Variants in SLC35D2 observed in about 807,000 individuals in gnomAD.
The protein encoded by SLC35D2 is solute carrier family 35 member D2, also known as nucleotide sugar transporter SLC35D2.
Under a neutral mutation model 41.8 loss-of-function variants are expected in SLC35D2, and 43 were observed. The observed-to-expected ratio is 1.03, with a 90% CI of 0.81 to 1.33. SLC35D2 has a LOEUF of 1.33. SLC35D2 is among the 40% of genes most tolerant of loss of function. The pLI, the probability that SLC35D2 is intolerant of heterozygous loss-of-function variation, is 0.00. For synonymous variants in SLC35D2, 150 were observed against 163.9 expected, an observed-to-expected ratio of 0.92 and a Z score of 0.65; for missense variants, 380 against 408.4, an observed-to-expected ratio of 0.93 and a Z score of 0.60.
At chr9:96,319,967 G>A (rs143939270), downstream of SLC35D2, among the ~76,000 whole-genome samples, 50 of 152,324 alleles carry the variant, frequency 3.3e-4, no homozygotes, top group African/African-American at 1.1e-3. Flanking sequence ...AAGGTCTCCC[G>A]AGTTTAATAG....
At chr9:96,345,465 G>C (rs938438617) in intron 6 of SLC35D2, 64 bp from the exon 7 acceptor site, 1 of 894,502 alleles carries the variant, frequency 1.1e-6, no homozygotes, top group African/African-American at 1.7e-5. Context: ...CTCCAAGCCC[G>C]CCTGATCTAC....
chr9:96,372,899 GT>G (rs977724459), intron 1 of SLC35D2, among the ~76,000 whole-genome samples: 1 of 143,488 alleles, frequency 7.0e-6, no homozygotes, highest in Non-Finnish European at 1.5e-5. Flanking sequence ...TTGTTCTTTT[GT>G]TTTTTTGTTT....
At chr9:96,358,467 C>T (rs552836835) in intron 4 of SLC35D2, among the ~76,000 whole-genome samples, 3 of 151,996 alleles carry the variant, frequency 2.0e-5, no homozygotes, top group African/African-American at 7.2e-5. Flanking sequence ...AGATAAGCCA[C>T]AAACTAGGAA....
At chr9:96,340,502 T>A (rs542276134) in intron 8 of SLC35D2, among the ~76,000 whole-genome samples, 2 of 151,176 alleles carry the variant, frequency 1.3e-5, no homozygotes, top group South Asian at 4.2e-4. Context: ...CGCCTGTAGT[T>A]CCAGCTACTC....
At chr9:96,368,234 A>G (rs34818438) in intron 2 of SLC35D2, 38 bp downstream of exon 2, 48,115 of 1,527,662 alleles carry the variant, frequency 0.031, 908 homozygotes, top group South Asian at 0.051. Flanking sequence ...GAATACTGAT[A>G]ACAAAATAAG....
At chr9:96,370,095 T>A (rs972624906) in intron 1 of SLC35D2, among the ~76,000 whole-genome samples, 1 of 152,112 alleles carries the variant, frequency 6.6e-6, no homozygotes, top group African/African-American at 2.4e-5. Flanking sequence ...TCCCTGAGCA[T>A]GGCCTGCATT....
chr9:96,339,174 G>A (rs991638949), intron 8 of SLC35D2, among the ~76,000 whole-genome samples: 1 of 151,792 alleles, frequency 6.6e-6, no homozygotes, highest in Admixed American at 6.6e-5. Context: ...GCGGTGGCAC[G>A]ATCTCAGCTC....
intron 9 of SLC35D2, among the ~76,000 whole-genome samples, chr9:96,330,840 G>A (rs1323160177): frequency 1.3e-5 from 2 of 152,142 alleles, no homozygotes; most frequent in South Asian, 2.1e-4. Context: ...TTGCTCACAA[G>A]GAAGTTCCTT....
chr9:96,337,550 A>G (rs1587848832), intron 8 of SLC35D2, among the ~76,000 whole-genome samples: 1 of 152,196 alleles, frequency 6.6e-6, no homozygotes, highest in African/African-American at 2.4e-5. Context: ...AATGTAGGCA[A>G]GAAAAGTTTA....
At chr9:96,378,045 A>T (rs1831028859) in intron 1 of SLC35D2, among the ~76,000 whole-genome samples, 1 of 152,172 alleles carries the variant, frequency 6.6e-6, no homozygotes, top group South Asian at 2.1e-4. Flanking sequence ...TTTGGGATAC[A>T]GAATTCCAGT....
downstream of SLC35D2, among the ~76,000 whole-genome samples, chr9:96,318,035 C>CA (rs10700687): frequency 0.05 from 7,024 of 140,762 alleles, 246 homozygotes; most frequent in South Asian, 0.18. Flanking sequence ...GACGTTGTCT[C>CA]AAAAAAAAAA....
intron 4 of SLC35D2, among the ~76,000 whole-genome samples, chr9:96,354,584 T>C (rs561018228): frequency 7.9e-5 from 12 of 152,102 alleles, no homozygotes; most frequent in African/African-American, 2.7e-4. Context: ...CTGGCCAACA[T>C]GGTGAAACCC....
chr9:96,341,828 C>T (rs1829335725), intron 8 of SLC35D2, among the ~76,000 whole-genome samples: 1 of 152,070 alleles, frequency 6.6e-6, no homozygotes. Context: ...ACCTAAAATT[C>T]AGTTTCTGGT....
At chr9:96,346,040 T>C (rs959999100) in intron 6 of SLC35D2, among the ~76,000 whole-genome samples, 3 of 152,212 alleles carry the variant, frequency 2.0e-5, no homozygotes, top group South Asian at 2.1e-4. Flanking sequence ...AGCTGAGCCA[T>C]GATGTGGCCC....
chr9:96,382,244 AAGCAG>A (rs1312649204), intron 1 of SLC35D2, among the ~76,000 whole-genome samples: 1 of 151,836 alleles, frequency 6.6e-6, no homozygotes, highest in Non-Finnish European at 1.5e-5. Context: ...TGGGAGGCCA[AAGCAG>A]GCCTAGACCA....
intron 9 of SLC35D2, among the ~76,000 whole-genome samples, chr9:96,331,060 G>A (rs191793681): frequency 2.0e-5 from 3 of 152,126 alleles, no homozygotes; most frequent in Non-Finnish European, 4.4e-5. Context: ...ACCACGCCCC[G>A]CTGATTTTTG....
chr9:96,363,257 T>TC (rs1380966613), intron 3 of SLC35D2, among the ~76,000 whole-genome samples: 2 of 151,516 alleles, frequency 1.3e-5, no homozygotes, highest in African/African-American at 4.9e-5. Context: ...TGCCTTGATC[T>TC]CCCCGAGTCA....
In SLC35D2 at chr9:96,364,503, G is replaced by T. The variant is rs1182877956; in HGVS notation, c.240C>A (p.Ile80=). 1.9e-6 allele frequency: 3 copies of T among 1,606,740 alleles called. No individual in the cohort carries two copies. Among genetic ancestry groups the T allele is most frequent in the South Asian group, 1.1e-5 (1 of 90,772 alleles). Residue 80 remains isoleucine (I), a synonymous_variant, in exon 3 of 12, where the codon ATC becomes ATA. Transcript: ENST00000253270. ...TCTTATCAAAATCAGGGAAGTGAAT[G>T]ATTTTGTTTAGCTTGGACACATATA... ...MILYVSKLNK[I]IHFPDFDKKI... is the part of the protein sequence containing the mutation.
chr9:96,378,514 G>A (rs553014377), intron 1 of SLC35D2, among the ~76,000 whole-genome samples: 95 of 152,272 alleles, frequency 6.2e-4, no homozygotes, highest in African/African-American at 2.2e-3. Context: ...GCAAATATTT[G>A]TTGAAATGAA....
Sources: allele counts gnomAD v4.1 joint callset (sites outside exome capture counted in the v4.1 genomes callset), GRCh38; gene constraint gnomAD v4.1.1; transcripts MANE v1.5; gene names NCBI Gene and HGNC (gene_info 2026-07-23, HGNC 2026-07-21).